The following RAD54L variants were observed in gnomAD, a reference collection of about 807,000 sequenced individuals.
RAD54L encodes DNA repair and recombination protein RAD54-like.
In RAD54L, 74 loss-of-function variants were observed where a neutral mutation model predicts 91.6. The ratio of observed to expected loss-of-function variants is 0.81; its 90% confidence interval spans 0.67 to 0.98. RAD54L has a LOEUF of 0.98. Ranked by LOEUF, RAD54L falls within the 50% of genes least tolerant of loss-of-function variation. The probability of loss-of-function intolerance (pLI) is 0.00; values close to 1 mark genes in which losing one functional copy is unlikely to be tolerated. For synonymous variants in RAD54L, 304 were observed against 349.7 expected, an observed-to-expected ratio of 0.87 and a Z score of 1.46; for missense variants, 887 against 945.7, an observed-to-expected ratio of 0.94 and a Z score of 0.81.
At chr1:46,257,002 G>T (rs1204078600) in intron 3 of RAD54L, among the ~76,000 whole-genome samples, 3 of 152,076 alleles carry the variant, frequency 2.0e-5, no homozygotes, top group African/African-American at 7.2e-5. Context: ...AAATTAGCTA[G>T]GTGTGGTGGC....
At chr1:46,256,511 T>TGAGAAAGATCCCTTGAGCCAGGACTTA (rs996422263) in intron 3 of RAD54L, among the ~76,000 whole-genome samples, 4 of 151,656 alleles carry the variant, frequency 2.6e-5, no homozygotes, top group South Asian at 2.1e-4. Flanking sequence ...GAGGCCAAGG[T>TGAGAAAGATCCCTTGAGCCAGGACTTA]GAGAAAGATC....
chr1:46,270,566 G>A, intron 9 of RAD54L, 93 bp from the exon 10 acceptor site: 2 of 1,530,772 alleles, frequency 1.3e-6, no homozygotes, highest in Non-Finnish European at 1.8e-6. Flanking sequence ...TTGGTAGGAA[G>A]GCTGGTTTGT....
chr1:46,267,139 C>T (rs1660287747), intron 8 of RAD54L, among the ~76,000 whole-genome samples: 4 of 152,220 alleles, frequency 2.6e-5, no homozygotes, highest in Admixed American at 2.6e-4. Context: ...TCACGGCTCA[C>T]TGAAGCCTCG....
chr1:46,252,912 CA>C (rs1199770199), intron 3 of RAD54L, among the ~76,000 whole-genome samples: 2 of 151,898 alleles, frequency 1.3e-5, no homozygotes, highest in Non-Finnish European at 2.9e-5. Context: ...TTCTAAAAAA[CA>C]ATAAATAAAT....
Position 46,262,852 on chromosome 1 carries a change from G to A in RAD54L, c.891+1467G>A, listed in dbSNP as rs558012828. Among the ~76,000 whole-genome samples the A allele has an allele frequency of 5.0e-4, 76 of 152,232 alleles. 2 individuals are homozygous for A. Among genetic ancestry groups the A allele is most frequent in the African/African-American group, 1.3e-3 (56 of 41,534 alleles). ...TTTGTTTTCCTTTCACAGGGAACAG[G>A]TTCTAGAGTTAGAGACCTTTATTTG... On this transcript the variant is annotated intron_variant, in intron 8 of 17. Transcript: ENST00000371975.
intron 4 of RAD54L, 149 bp downstream of exon 4, chr1:46,258,895 C>T: frequency 2.9e-6 from 2 of 695,798 alleles, no homozygotes; most frequent in South Asian, 3.2e-5. Flanking sequence ...CTCCTGAGGC[C>T]TGCATGAAAA....
chr1:46,250,202 C>CA (rs5773906), intron 3 of RAD54L, 83 bp downstream of exon 3: 39,198 of 1,571,308 alleles, frequency 0.025, 902 homozygotes, highest in African/African-American at 0.1. Context: ...TACACTCCCT[C>CA]AGTGCTTTCT....
intron 12 of RAD54L, among the ~76,000 whole-genome samples, chr1:46,273,020 T>C (rs1442731192): frequency 6.6e-6 from 1 of 152,218 alleles, no homozygotes; most frequent in Non-Finnish European, 1.5e-5. Context: ...GTCCAGCCCA[T>C]GCTTGATGAC....
rs535660106 is a variant in RAD54L at position 46,271,005 on chromosome 1, T to C, written c.1169+220T>C. On this transcript the variant is annotated intron_variant, in intron 10 of 17. Transcript: ENST00000371975. ...CTGTGGTCTGGTTTTGGTCTGTTTA[T>C]CAGCCTGCTGAGGAAGCTTTTCTCT... Among the ~76,000 whole-genome samples the C allele has an allele frequency of 2.0e-5, 3 of 152,336 alleles. 1 individual carries two copies. The highest frequency in any genetic ancestry group is 1.9e-4 in the East Asian group (1 of 5,192).
At position 46,263,806 on chromosome 1, in the gene RAD54L, GT is replaced by G. The variant is rs554631662; in HGVS notation, c.891+2430del. Among the ~76,000 whole-genome samples, 5 of 150,426 alleles carry G rather than the reference GT, an allele frequency of 3.3e-5. No homozygotes were observed. The highest frequency in any genetic ancestry group is 6.7e-5 in the Admixed American group (1 of 15,026). ...GCATCTAAATTTTTTTCTACTTTTT[GT>G]TTTTTTTTGAGACAAGGGTCTTGTT... On this transcript the variant is annotated intron_variant, in intron 8 of 17. Coordinates refer to ENST00000371975, the MANE Select transcript of RAD54L (RefSeq NM_003579.4). This position sits in a 1 kb window ranked among gnomAD's most constrained non-coding sequence, Gnocchi z 4.3.
Position 46,265,864 on chromosome 1 carries a change from G to C in RAD54L, c.892-1595G>C, listed in dbSNP as rs1478976511. Among the ~76,000 whole-genome samples, 1 of 152,156 alleles carries C rather than the reference G, an allele frequency of 6.6e-6. No individual in the cohort carries two copies. Among genetic ancestry groups the C allele is most frequent in the Non-Finnish European group, 1.5e-5 (1 of 68,012 alleles). ...TGCTACTTTCTACCGGCATGATTTTGGATAACTGTTTACCTCTCTGAATCT... is the reference window on the plus strand; with the variant it reads ...TGCTACTTTCTACCGGCATGATTTTCGATAACTGTTTACCTCTCTGAATCT... On this transcript the variant is annotated intron_variant, in intron 8 of 17. Coordinates refer to ENST00000371975, the MANE Select transcript of RAD54L (RefSeq NM_003579.4). The surrounding 1 kb of genome is among the most constrained non-coding windows in gnomAD (Gnocchi z 4.8).
rs768343965 is a variant in RAD54L, at chr1:46,260,852, A to G, written c.603A>G (p.Leu201=). 1 of 1,614,216 alleles carries G rather than the reference A, an allele frequency of 6.2e-7. No homozygotes were observed. Residue 201 remains leucine (L), a synonymous_variant, in exon 7 of 18, where the codon TTA becomes TTG. Transcript: ENST00000371975. ...GCATCACATTGATGTGGACACTTTT[A>G]CGCCAGAGTCCAGAGTGCAAGCCAG... ...LQCITLMWTL[L]RQSPECKPEI...
rs1660234418 is a variant in RAD54L at position 46,265,225 on chromosome 1, G to A, written c.892-2234G>A. Among the ~76,000 whole-genome samples, 1 of 151,904 alleles carries A rather than the reference G, an allele frequency of 6.6e-6. No individual in the cohort carries two copies. Among genetic ancestry groups the A allele is most frequent in the South Asian group, 2.1e-4 (1 of 4,806 alleles). On this transcript the variant is annotated intron_variant, in intron 8 of 17. Coordinates refer to ENST00000371975, the MANE Select transcript of RAD54L (RefSeq NM_003579.4). The surrounding 1 kb of genome is among the most constrained non-coding windows in gnomAD (Gnocchi z 4.8). ...AGGCCAAATGCGGTGGCTTACACCT[G>A]TAATCCCAGGACTTTGAAAGGCTGA...
chr1:46,266,801 T>C (rs1372697669), intron 8 of RAD54L, among the ~76,000 whole-genome samples: 1 of 152,318 alleles, frequency 6.6e-6, no homozygotes, highest in East Asian at 1.9e-4. Context: ...GTTTGTCATA[T>C]GTCCACATGA....
intron 16 of RAD54L, among the ~76,000 whole-genome samples, chr1:46,276,800 G>GTTTGTTT (rs756299806): frequency 1.2e-4 from 19 of 152,112 alleles, no homozygotes; most frequent in African/African-American, 4.6e-4. Context: ...GGCATCCAAG[G>GTTTGTTT]TTTGTTTTTT....
In RAD54L at chr1:46,272,713, G is replaced by T; in HGVS notation, c.1286G>T (p.Arg429Ile). Residue 429 changes from arginine (R) to isoleucine (I), a missense_variant, in exon 12 of 18, where the codon AGA becomes ATA. By Grantham distance (97) the Arg-to-Ile change is moderately conservative. Transcript: ENST00000371975. Reference protein sequence around the residue: ...LQTELYKRFLRQAKPAEELLE... With the variant: ...LQTELYKRFLIQAKPAEELLE... ...ACTGAGTTATACAAGAGGTTTCTGA[G>T]ACAAGCCAAACCGGCAGAAGAATTG... is the stretch of plus-strand genomic sequence containing the variant. The T allele has an allele frequency of 6.2e-7, 1 of 1,614,168 alleles. No individual in the cohort carries two copies. The highest frequency in any genetic ancestry group is 1.1e-5 in the South Asian group (1 of 91,074).
rs1383471146 is a variant in RAD54L at position 46,278,439 on chromosome 1, T to A, written c.*157T>A. The A allele has an allele frequency of 1.1e-6, 1 of 925,090 alleles. No homozygotes were observed. The highest frequency in any genetic ancestry group is 2.6e-5 in the East Asian group (1 of 38,140). The allele number at this position is 925,090 out of a possible 1,614,324, so 57.3% of individuals were successfully genotyped here. A position where few individuals can be genotyped will look rare whatever the true frequency, so the allele number is the denominator to read the frequency against. On this transcript the variant is annotated 3_prime_UTR_variant, in exon 18 of 18. Coordinates refer to ENST00000371975, the MANE Select transcript of RAD54L (RefSeq NM_003579.4). ...AATTTATTTTATAAGAAAAACTTTT[T>A]TGGTTAAAAAAAAGAATAAAGGTAT... is the stretch of plus-strand genomic sequence containing the variant.
intron 4 of RAD54L, among the ~76,000 whole-genome samples, chr1:46,259,580 C>A (rs754679120): frequency 3.3e-5 from 5 of 152,058 alleles, no homozygotes; most frequent in Non-Finnish European, 5.9e-5. Context: ...CAAGACCAGC[C>A]TGGACAACAT....
At chr1:46,264,047 T>C (rs1285845106) in intron 8 of RAD54L, among the ~76,000 whole-genome samples, 3 of 152,190 alleles carry the variant, frequency 2.0e-5, no homozygotes, top group Non-Finnish European at 4.4e-5. Context: ...TCTGCGGCCT[T>C]GGCCTCCCAA....
Sources: gnomAD v4.1 joint callset for allele counts (sites outside exome capture counted in the v4.1 genomes callset) on GRCh38, gnomAD v4.1.1 for gene constraint, Gnocchi (gnomAD v3.1) non-coding constraint, MANE v1.5 for transcripts, NCBI Gene and HGNC (gene_info 2026-07-23, HGNC 2026-07-21) for gene names.